The following ALK variants were observed in gnomAD, a reference collection of about 807,000 sequenced individuals.
The protein encoded by ALK is ALK tyrosine kinase receptor.
ALK carries 74 observed loss-of-function variants against 163.1 expected under a neutral mutation model. The observed-to-expected ratio is 0.45, with a 90% confidence interval of 0.38 to 0.55. The LOEUF (loss-of-function observed/expected upper bound fraction) is 0.55, where lower values mean the gene tolerates loss of function less well. Among genes scored for constraint, ALK ranks in the 20% least tolerant of loss-of-function variants. The pLI, the probability that ALK is intolerant of heterozygous loss-of-function variation, is 0.00. For missense variants in ALK, 2,063 were observed against 2,105.3 expected (o/e 0.98, Z 0.39); for synonymous variants, 960 against 843.2 (o/e 1.14, Z -2.40).
At chr2:29,910,464 G>C (rs146469882) in intron 1 of ALK, among the ~76,000 whole-genome samples, 2,175 of 152,192 alleles carry the variant, frequency 0.014, 48 homozygotes, top group African/African-American at 0.048. Context: ...TTCCAAATGT[G>C]ATGAAAAATA....
chr2:29,773,255 T>C (rs200175761), intron 1 of ALK, among the ~76,000 whole-genome samples: 1 of 136,328 alleles, frequency 7.3e-6, no homozygotes, highest in Admixed American at 7.6e-5. Flanking sequence ...CACACACACA[T>C]TTTTTTCTTT....
intron 1 of ALK, among the ~76,000 whole-genome samples, chr2:29,813,529 C>G (rs1382823652): frequency 6.6e-6 from 1 of 151,952 alleles, no homozygotes; most frequent in African/African-American, 2.4e-5. Context: ...ACTGTCTCCC[C>G]CAAGACAGCC....
At chr2:29,851,370 C>T (rs1459066524) in intron 1 of ALK, among the ~76,000 whole-genome samples, 1 of 152,208 alleles carries the variant, frequency 6.6e-6, no homozygotes, top group Non-Finnish European at 1.5e-5. Context: ...ACACTGGACT[C>T]ATTTCAATTT....
In ALK at chr2:29,793,068, T is replaced by C. The variant is rs139008832; in HGVS notation, c.668-75371A>G. Among the ~76,000 whole-genome samples, 7 of 152,294 alleles carry C rather than the reference T, an allele frequency of 4.6e-5. No homozygotes were observed. In the East Asian group the frequency reaches 1.2e-3, roughly 25 times the overall value. ...AATCTTTCAAAATTGAAGTCAATCG[T>C]CTCAAACCCTGCCACTGCTTTATCA... On this transcript the variant is annotated intron_variant, in intron 1 of 28. Transcript: ENST00000389048.
At chr2:29,790,256 A>G (rs2148356870) in intron 1 of ALK, among the ~76,000 whole-genome samples, 1 of 152,206 alleles carries the variant, frequency 6.6e-6, no homozygotes, top group African/African-American at 2.4e-5. Context: ...GTCAGGATGG[A>G]GGGTGGCGGA....
chr2:29,617,450 C>A (rs886611061), intron 3 of ALK, among the ~76,000 whole-genome samples: 4 of 152,196 alleles, frequency 2.6e-5, no homozygotes, highest in African/African-American at 9.6e-5. Flanking sequence ...TCTTCTATCA[C>A]ATTGAAATAA....
At chr2:29,289,607 AGT>A (rs1360705579) in intron 9 of ALK, among the ~76,000 whole-genome samples, 3 of 152,078 alleles carry the variant, frequency 2.0e-5, no homozygotes, top group Non-Finnish European at 2.9e-5. Context: ...GTTTTGCCTA[AGT>A]GTATATATAT....
intron 1 of ALK, among the ~76,000 whole-genome samples, chr2:29,745,260 T>C (rs1014151484): frequency 1.6e-4 from 24 of 152,144 alleles, no homozygotes; most frequent in Non-Finnish European, 2.9e-5. Flanking sequence ...ACTCACTGAA[T>C]TAGGAAGTGG....
rs560415355 is a variant in ALK, at chr2:29,374,032, C to T, written c.1282+9700G>A. 1.1e-4 allele frequency among the ~76,000 whole-genome samples: 16 copies of T among 152,274 alleles called. No homozygotes were observed. In the South Asian group the frequency reaches 3.3e-3, roughly 32 times the overall value. The stretch of plus-strand genomic sequence containing the variant: ...TCTGCTGGAAAAGAGGTAAATTTTC[C>T]CTTTGCATAATGGCTCAGGCAAGGC... On this transcript the variant is annotated intron_variant, in intron 5 of 28. Transcript: ENST00000389048.
intron 3 of ALK, among the ~76,000 whole-genome samples, chr2:29,673,868 T>C (rs1394598855): frequency 6.6e-6 from 1 of 151,490 alleles, no homozygotes; most frequent in Non-Finnish European, 1.5e-5. Context: ...CAGTGGTTTG[T>C]AGTTCTCCTT....
At chr2:29,721,871 T>C (rs961522826) in intron 1 of ALK, among the ~76,000 whole-genome samples, 15 of 152,270 alleles carry the variant, frequency 9.9e-5, no homozygotes, top group African/African-American at 3.6e-4. Flanking sequence ...CAGCTAAATC[T>C]ATTAAAAGAT....
intron 4 of ALK, among the ~76,000 whole-genome samples, chr2:29,499,703 G>A (rs1409785585): frequency 2.0e-5 from 3 of 151,792 alleles, no homozygotes; most frequent in Admixed American, 6.6e-5. Flanking sequence ...ATTTCTCCCC[G>A]GGTGGACTCA....
At chr2:29,902,242 A>T (rs1667434226) in intron 1 of ALK, among the ~76,000 whole-genome samples, 2 of 152,096 alleles carry the variant, frequency 1.3e-5, no homozygotes, top group South Asian at 4.1e-4. Context: ...TTTCTTCCCA[A>T]ATTCTTTTCT....
chr2:29,687,405 T>C (rs916110605), intron 3 of ALK, among the ~76,000 whole-genome samples: 1 of 152,074 alleles, frequency 6.6e-6, no homozygotes, highest in African/African-American at 2.4e-5. Context: ...GCCTACTGCA[T>C]CCTAGCCAGG....
At chr2:29,867,764 G>A (rs556020233) in intron 1 of ALK, among the ~76,000 whole-genome samples, 2 of 152,200 alleles carry the variant, frequency 1.3e-5, no homozygotes, top group African/African-American at 2.4e-5. Context: ...CTGACTATGT[G>A]GTTCTTCAGT....
At position 29,903,162 on chromosome 2, in the gene ALK, T is replaced by C. The variant is rs553582164; in HGVS notation, c.667+16831A>G. 3.9e-5 allele frequency among the ~76,000 whole-genome samples: 6 copies of C among 152,218 alleles called. No homozygotes were observed. The East Asian group carries it at 9.7e-4, about 25-fold the overall frequency. On this transcript the variant is annotated intron_variant, in intron 1 of 28. Transcript: ENST00000389048. ...CTTGTAATTATTGCCTGTTACCCTA[T>C]AGAACCGTACAAAGTCCTGAACGCA...
rs570770667 is a variant in ALK at position 29,513,054 on chromosome 2, C to T, written c.1154+18861G>A. Among the ~76,000 whole-genome samples the T allele has an allele frequency of 6.5e-3, 983 of 151,468 alleles. 10 individuals are homozygous for T. Among genetic ancestry groups the T allele is most frequent in the African/African-American group, 0.022 (883 of 40,992 alleles). ...GCTCATGGGTAGGAAGAATCAATATCGTGAAAATGGCCATACTGCCCAAGG... is the reference window on the plus strand; with the variant it reads ...GCTCATGGGTAGGAAGAATCAATATTGTGAAAATGGCCATACTGCCCAAGG... On this transcript the variant is annotated intron_variant, in intron 4 of 28. Coordinates refer to ENST00000389048, the MANE Select transcript of ALK (RefSeq NM_004304.5).
intron 4 of ALK, among the ~76,000 whole-genome samples, chr2:29,494,778 C>T (rs1490742721): frequency 1.3e-5 from 2 of 151,890 alleles, no homozygotes; most frequent in East Asian, 3.9e-4. Flanking sequence ...GTTGGAGTCC[C>T]AGGACTGACT....
intron 3 of ALK, among the ~76,000 whole-genome samples, chr2:29,647,782 T>C (rs1240585648): frequency 1.4e-5 from 2 of 147,796 alleles, no homozygotes; most frequent in Admixed American, 6.7e-5. Context: ...TTTCTTTTTT[T>C]TTTTTTTTTT....
Sources: allele counts gnomAD v4.1 joint callset (sites outside exome capture counted in the v4.1 genomes callset), GRCh38; gene constraint gnomAD v4.1.1; transcripts MANE v1.5; gene names NCBI Gene and HGNC (gene_info 2026-07-23, HGNC 2026-07-21).